Variants in PTPRD observed in about 807,000 individuals in gnomAD.
PTPRD encodes protein tyrosine phosphatase receptor type D, also known as receptor-type tyrosine-protein phosphatase delta.
PTPRD carries 34 observed loss-of-function variants against 214.5 expected under a neutral mutation model. That is an observed-to-expected ratio of 0.16 (90% confidence interval 0.12 to 0.21). The LOEUF (loss-of-function observed/expected upper bound fraction) is 0.21, where lower values mean the gene tolerates loss of function less well. PTPRD is among the 10% of genes least tolerant of loss of function. PTPRD has a pLI of 1.00. For synonymous variants in PTPRD, 1,128 were observed against 845.7 expected, an observed-to-expected ratio of 1.33 and a Z score of -5.79; for missense variants, 2,545 against 2,398.7, an observed-to-expected ratio of 1.06 and a Z score of -1.27.
At chr9:9,192,653 C>T (rs939667762) in intron 9 of PTPRD, among the ~76,000 whole-genome samples, 1 of 152,132 alleles carries the variant, frequency 6.6e-6, no homozygotes, top group South Asian at 2.1e-4. Context: ...TGCCTGAAAC[C>T]AGAGCTGCAC....
intron 9 of PTPRD, among the ~76,000 whole-genome samples, chr9:9,296,081 A>C (rs1014898412): frequency 1.4e-4 from 21 of 151,890 alleles, no homozygotes; most frequent in Non-Finnish European, 2.8e-4. Context: ...CTTTGAGGTC[A>C]ATACCTAGAT....
chr9:9,923,492 A>AC (rs2083258244), intron 5 of PTPRD, among the ~76,000 whole-genome samples: 1 of 151,702 alleles, frequency 6.6e-6, no homozygotes, highest in Non-Finnish European at 1.5e-5. Flanking sequence ...CACACAAAAA[A>AC]ATCGATCTCC....
At chr9:9,882,190 C>T (rs561870854) in intron 5 of PTPRD, among the ~76,000 whole-genome samples, 1 of 152,194 alleles carries the variant, frequency 6.6e-6, no homozygotes, top group Admixed American at 6.5e-5. Context: ...ACATGCCCTT[C>T]ACCACCTGAA....
chr9:9,558,232 C>A (rs537625683), intron 8 of PTPRD, among the ~76,000 whole-genome samples: 1 of 152,288 alleles, frequency 6.6e-6, no homozygotes, highest in South Asian at 2.1e-4. Context: ...GGCAGTTGTA[C>A]CTTTTACAGA....
At chr9:9,663,084 A>C (rs1381505512) in intron 7 of PTPRD, among the ~76,000 whole-genome samples, 1 of 151,518 alleles carries the variant, frequency 6.6e-6, no homozygotes, top group Non-Finnish European at 1.5e-5. Context: ...GATGTGAAAA[A>C]ATCACAAGCT....
chr9:9,535,889 C>T (rs2076422044), intron 8 of PTPRD, among the ~76,000 whole-genome samples: 1 of 151,942 alleles, frequency 6.6e-6, no homozygotes, highest in South Asian at 2.1e-4. Flanking sequence ...ATGGTAATGC[C>T]AATTCCTCAA....
intron 2 of PTPRD, among the ~76,000 whole-genome samples, chr9:10,446,632 A>G: frequency 6.6e-6 from 1 of 152,006 alleles, no homozygotes; most frequent in East Asian, 1.9e-4. Flanking sequence ...AGTGTGCCTA[A>G]GTGAAGTTGT....
intron 39 of PTPRD, among the ~76,000 whole-genome samples, chr9:8,373,886 CTATCTATCTATCTATCTA>C: frequency 8.0e-6 from 1 of 124,734 alleles, no homozygotes; most frequent in East Asian, 2.6e-4. Context: ...ATCTATCTAT[CTATCTATCTATCTATCTA>C]TCTATCTATC....
intron 30 of PTPRD, among the ~76,000 whole-genome samples, chr9:8,476,141 G>A (rs1030346666): frequency 6.6e-6 from 1 of 152,102 alleles, no homozygotes; most frequent in Admixed American, 6.6e-5. Context: ...ACCAAGGACT[G>A]ATTTTATGGA....
chr9:9,880,369 A>T (rs559036089), intron 5 of PTPRD, among the ~76,000 whole-genome samples: 1 of 152,180 alleles, frequency 6.6e-6, no homozygotes, highest in Non-Finnish European at 1.5e-5. Flanking sequence ...AAAGATAACT[A>T]CGTGGTTAAT....
intron 7 of PTPRD, among the ~76,000 whole-genome samples, chr9:9,648,484 C>A (rs2096252707): frequency 6.6e-6 from 1 of 152,166 alleles, no homozygotes; most frequent in African/African-American, 2.4e-5. Flanking sequence ...TTTGATGTTT[C>A]TGACCTGATG....
Position 9,270,022 on chromosome 9 carries a change from A to G in PTPRD, c.-202-86659T>C, listed in dbSNP as rs530652479. On this transcript the variant is annotated intron_variant, in intron 9 of 45. Transcript: ENST00000381196. ...TATTTTGTTACTATATAATATTACT[A>G]TAACATGTTAATAATGTGTTATATA... Among the ~76,000 whole-genome samples, 230 of 150,716 alleles carry G rather than the reference A, an allele frequency of 1.5e-3. 1 individual carries two copies. The highest frequency in any genetic ancestry group is 5.3e-3 in the African/African-American group (217 of 41,298).
chr9:9,942,727 C>T (rs2091807998), intron 4 of PTPRD, among the ~76,000 whole-genome samples: 1 of 152,036 alleles, frequency 6.6e-6, no homozygotes. Context: ...GTAGTTTGAG[C>T]ATGTTTTCAT....
intron 2 of PTPRD, among the ~76,000 whole-genome samples, chr9:10,552,613 A>G (rs2061585480): frequency 6.6e-6 from 1 of 152,124 alleles, no homozygotes; most frequent in South Asian, 2.1e-4. Flanking sequence ...AGATCAACCA[A>G]TTGCTCTTTC....
chr9:9,249,932 A>G (rs1012863980), intron 9 of PTPRD, among the ~76,000 whole-genome samples: 18 of 152,134 alleles, frequency 1.2e-4, no homozygotes, highest in African/African-American at 4.3e-4. Flanking sequence ...ATGAATGGAT[A>G]AACAAACAGG....
At chr9:9,181,546 C>T (rs2099928229) in intron 10 of PTPRD, among the ~76,000 whole-genome samples, 1 of 151,934 alleles carries the variant, frequency 6.6e-6, no homozygotes, top group Non-Finnish European at 1.5e-5. Context: ...ATAGTATTCA[C>T]CAAAGCAGCT....
chr9:10,009,000 C>T (rs1027167298), intron 4 of PTPRD, among the ~76,000 whole-genome samples: 15 of 149,974 alleles, frequency 1.0e-4, no homozygotes, highest in Non-Finnish European at 1.6e-4. Flanking sequence ...TCTCTGATTG[C>T]TTATTGACAA....
intron 34 of PTPRD, among the ~76,000 whole-genome samples, chr9:8,444,700 T>C (rs565824892): frequency 1.3e-5 from 2 of 152,170 alleles, no homozygotes; most frequent in African/African-American, 4.8e-5. Flanking sequence ...TATGCAATGA[T>C]TGTTAACAAG....
At chr9:9,307,640 A>T (rs900482598) in intron 9 of PTPRD, among the ~76,000 whole-genome samples, 21 of 152,254 alleles carry the variant, frequency 1.4e-4, no homozygotes, top group Admixed American at 3.3e-4. Context: ...TCTCTCCTAG[A>T]CAATTCTCTA....
Sources: gnomAD v4.1 joint callset for allele counts (sites outside exome capture counted in the v4.1 genomes callset) on GRCh38, gnomAD v4.1.1 for gene constraint, MANE v1.5 for transcripts, NCBI Gene and HGNC (gene_info 2026-07-23, HGNC 2026-07-21) for gene names.